Variants in ERI1 observed in about 807,000 individuals in gnomAD.
ERI1 encodes 3'-5' exoribonuclease 1.
In ERI1, 39 loss-of-function variants were observed where a neutral mutation model predicts 39.7. The observed-to-expected ratio is 0.98, with a 90% CI of 0.76 to 1.28. The LOEUF is 1.28. Ranked by LOEUF, ERI1 falls within the 50% of genes most tolerant of loss-of-function variation. The pLI, the probability that ERI1 is intolerant of heterozygous loss-of-function variation, is 0.00. For missense variants in ERI1, 581 were observed against 416.9 expected, an observed-to-expected ratio of 1.39 and a Z score of -3.43; for synonymous variants, 204 against 149.6, an observed-to-expected ratio of 1.36 and a Z score of -2.65.
intron 3 of ERI1, among the ~76,000 whole-genome samples, chr8:9,070,617 GA>G (rs1294824887): frequency 6.6e-6 from 1 of 152,174 alleles, no homozygotes; most frequent in Non-Finnish European, 1.5e-5. Flanking sequence ...TTCACCCACG[GA>G]ACATTCCTAA....
chr8:9,008,281 C>T (rs1004324037), intron 2 of ERI1, 133 bp downstream of exon 2: 22 of 788,900 alleles, frequency 2.8e-5, no homozygotes, highest in Middle Eastern at 3.9e-4. Context: ...TTCACAAAAA[C>T]TAATTAACAT....
intron 3 of ERI1, among the ~76,000 whole-genome samples, chr8:9,059,860 C>G (rs1199369542): frequency 2.6e-5 from 4 of 152,134 alleles, no homozygotes; most frequent in African/African-American, 7.2e-5. Flanking sequence ...TATGACTAGA[C>G]AGAAGATAGT....
intron 3 of ERI1, among the ~76,000 whole-genome samples, chr8:9,097,863 A>G (rs997887770): frequency 7.2e-5 from 11 of 152,222 alleles, no homozygotes; most frequent in African/African-American, 2.7e-4. Context: ...ATGCTTAACA[A>G]CCCAAATGCC....
chr8:9,044,284 C>T (rs936200561), intron 3 of ERI1, among the ~76,000 whole-genome samples: 4 of 152,174 alleles, frequency 2.6e-5, no homozygotes, highest in Non-Finnish European at 5.9e-5. Context: ...TCTAGAGCTC[C>T]TTACATTTTC....
At chr8:9,048,370 A>G (rs2117365362) in intron 3 of ERI1, 1 of 154,508 alleles carries the variant, frequency 6.5e-6, no homozygotes, top group East Asian at 1.9e-4. Context: ...AGGGTTCAAG[A>G]TAGGAATTTC....
chr8:9,006,035 T>C (rs1340181581), intron 1 of ERI1, among the ~76,000 whole-genome samples: 4 of 152,232 alleles, frequency 2.6e-5, no homozygotes, highest in African/African-American at 9.6e-5. Flanking sequence ...ATATGTGACA[T>C]GTGATAGGTG....
intron 3 of ERI1, among the ~76,000 whole-genome samples, chr8:9,076,058 C>T (rs1326024965): frequency 6.6e-6 from 1 of 152,118 alleles, no homozygotes; most frequent in African/African-American, 2.4e-5. Flanking sequence ...GCCTCAGCCT[C>T]CCAAGTAGCT....
rs967508881 is a variant in ERI1, at chr8:9,028,983, T to G, written c.808-809T>G. Among the ~76,000 whole-genome samples the G allele has an allele frequency of 4.2e-3, 630 of 148,830 alleles. 4 individuals are homozygous for G. The highest frequency in any genetic ancestry group is 0.015 in the African/African-American group (603 of 39,644). On this transcript the variant is annotated intron_variant, in intron 6 of 6. Coordinates refer to ENST00000250263, the MANE Select transcript of ERI1 (RefSeq NM_153332.4). ...TTGGGGAGTGTGAGAGTTTTTTTTT[T>G]TTTTTTTTTTTTTTAACTTATCAAG...
downstream of ERI1, chr8:9,033,440 A>G (rs1797726521): frequency 0.014 from 1 of 70 alleles, no homozygotes; most frequent in Non-Finnish European, 0.026. Flanking sequence ...AGCAAGGCCA[A>G]AAAATACTAC....
intron 1 of ERI1, among the ~76,000 whole-genome samples, chr8:9,007,392 A>G (rs1401044839): frequency 1.3e-5 from 2 of 152,220 alleles, no homozygotes; most frequent in Non-Finnish European, 2.9e-5. Context: ...GTTATTACAC[A>G]TGTATAATGT....
chr8:9,019,650 A>G (rs1300943358), intron 5 of ERI1, among the ~76,000 whole-genome samples: 1 of 152,218 alleles, frequency 6.6e-6, no homozygotes, highest in Non-Finnish European at 1.5e-5. Context: ...TGAAAATTGT[A>G]CAGAAGCACT....
At chr8:9,058,926 G>A (rs3989376) in intron 3 of ERI1, among the ~76,000 whole-genome samples, 33 of 152,108 alleles carry the variant, frequency 2.2e-4, no homozygotes, top group Non-Finnish European at 3.4e-4. Flanking sequence ...ATGCGCGTCC[G>A]TGTGAAGAGA....
intron 6 of ERI1, among the ~76,000 whole-genome samples, chr8:9,026,668 G>C (rs768208690): frequency 2.0e-5 from 3 of 152,014 alleles, no homozygotes; most frequent in Non-Finnish European, 4.4e-5. Flanking sequence ...GAAACTTTCT[G>C]GGCACTGACA....
rs749616802 is a variant in ERI1, at chr8:9,003,053, T to A, written c.-11T>A. On this transcript the variant is annotated 5_prime_UTR_variant, in exon 1 of 7. Coordinates refer to ENST00000250263, the MANE Select transcript of ERI1 (RefSeq NM_153332.4). ...CGGCTCCAGCAACTCTCCTCTGGCG[T>A]GACAGCCGGCATGGAGGATCCACAG... 100 of 1,245,396 alleles carry A rather than the reference T, an allele frequency of 8.0e-5. No individual in the cohort carries two copies. The highest frequency in any genetic ancestry group is 8.4e-5 in the Admixed American group (2 of 23,690). 77.1% of individuals were successfully genotyped at this position (1,245,396 alleles called of 1,614,324 possible).
At chr8:9,080,901 C>G (rs376977890) in intron 3 of ERI1, among the ~76,000 whole-genome samples, 2 of 152,336 alleles carry the variant, frequency 1.3e-5, no homozygotes, top group Non-Finnish European at 1.5e-5. Flanking sequence ...GAAATGTTCA[C>G]TGACAAAATA....
At chr8:9,065,229 A>G (rs1469458469) in intron 3 of ERI1, among the ~76,000 whole-genome samples, 1 of 152,206 alleles carries the variant, frequency 6.6e-6, no homozygotes, top group Non-Finnish European at 1.5e-5. Flanking sequence ...GTGCATGTAC[A>G]AAAAAAGTTA....
At chr8:9,003,761 T>G (rs1815636683) in intron 1 of ERI1, among the ~76,000 whole-genome samples, 2 of 152,224 alleles carry the variant, frequency 1.3e-5, no homozygotes, top group South Asian at 4.1e-4. Context: ...TCTTAAAACT[T>G]ATTTAACGAA....
downstream of ERI1, among the ~76,000 whole-genome samples, chr8:9,034,802 G>A (rs200371650): frequency 6.6e-5 from 10 of 151,984 alleles, no homozygotes; most frequent in Non-Finnish European, 1.2e-4. Flanking sequence ...AAGCTAAGAC[G>A]GGCTGAAAGC....
Position 9,031,616 on chromosome 8 carries a change from T to C in ERI1, c.*1582T>C, listed in dbSNP as rs900410769. On this transcript the variant is annotated 3_prime_UTR_variant, in exon 7 of 7. Coordinates refer to ENST00000250263, the MANE Select transcript of ERI1 (RefSeq NM_153332.4). ...AAACTGCAATTGGAAAATCTGATGA[T>C]GACGAGGAAATATTACGTTTCCAGT... The C allele has an allele frequency of 6.6e-6, 1 of 152,220 alleles. No individual in the cohort carries two copies. Among genetic ancestry groups the C allele is most frequent in the Non-Finnish European group, 1.5e-5 (1 of 68,036 alleles). 9.4% of individuals were successfully genotyped at this position (152,220 alleles called of 1,614,324 possible).
Sources: gnomAD v4.1 joint callset for allele counts (sites outside exome capture counted in the v4.1 genomes callset) on GRCh38, gnomAD v4.1.1 for gene constraint, MANE v1.5 for transcripts, NCBI Gene and HGNC (gene_info 2026-07-23, HGNC 2026-07-21) for gene names.